GRID2: variants seen among roughly 807,000 people sequenced by gnomAD.
GRID2 encodes the protein glutamate receptor ionotropic, delta-2.
A neutral mutation model predicts 114.8 loss-of-function variants in GRID2; 33 were observed. The ratio of observed to expected loss-of-function variants is 0.29; its 90% CI spans 0.22 to 0.38. GRID2 has a LOEUF of 0.38. GRID2 is among the 10% of genes least tolerant of loss of function. The pLI is 1.00. For synonymous variants in GRID2, 505 were observed against 449.9 expected (o/e 1.12, Z -1.55); for missense variants, 1,184 against 1,257.7 (o/e 0.94, Z 0.89).
chr4:93,179,264 G>A (rs532241764), intron 4 of GRID2, among the ~76,000 whole-genome samples: 1 of 152,286 alleles, frequency 6.6e-6, no homozygotes, highest in South Asian at 2.1e-4. Flanking sequence ...TGCAGCCAGG[G>A]TAGATGGGAG....
chr4:93,273,926 T>C (rs2149573907), intron 8 of GRID2, among the ~76,000 whole-genome samples: 1 of 152,334 alleles, frequency 6.6e-6, no homozygotes, highest in Admixed American at 6.5e-5. Flanking sequence ...GATTTTAGCC[T>C]GGTGAGACAC....
rs372440765 is a variant in GRID2 at position 92,678,514 on chromosome 4, C to T, written c.244+88228C>T. ...CTGAAGTAATTCAATACGTTAGTCACTGGTGTCTGCTACTTGGGTATGGAA... is the reference window on the plus strand; with the variant it reads ...CTGAAGTAATTCAATACGTTAGTCATTGGTGTCTGCTACTTGGGTATGGAA... On this transcript the variant is annotated intron_variant, in intron 2 of 15. Coordinates refer to ENST00000282020, the MANE Select transcript of GRID2 (RefSeq NM_001510.4). Among the ~76,000 whole-genome samples the T allele has an allele frequency of 7.8e-4, 119 of 151,966 alleles. 1 individual carries two copies. The highest frequency in any genetic ancestry group is 2.7e-3 in the African/African-American group (113 of 41,418).
chr4:93,612,957 C>T (rs911924966), intron 13 of GRID2, among the ~76,000 whole-genome samples: 25 of 147,058 alleles, frequency 1.7e-4, no homozygotes, highest in Non-Finnish European at 3.0e-4. Context: ...ACCAATCAGA[C>T]GTAGATTTGG....
chr4:92,940,753 A>G (rs1751053601), intron 2 of GRID2, among the ~76,000 whole-genome samples: 1 of 152,006 alleles, frequency 6.6e-6, no homozygotes, highest in Admixed American at 6.6e-5. Context: ...TCAATACCTA[A>G]TTTATTGAGA....
At chr4:92,641,710 G>C (rs1185685011) in intron 2 of GRID2, among the ~76,000 whole-genome samples, 1 of 151,466 alleles carries the variant, frequency 6.6e-6, no homozygotes, top group Non-Finnish European at 1.5e-5. Flanking sequence ...TACATGTGCA[G>C]GTTTTTTACA....
At chr4:92,963,714 A>G (rs544571135) in intron 2 of GRID2, among the ~76,000 whole-genome samples, 28 of 152,114 alleles carry the variant, frequency 1.8e-4, no homozygotes, top group Non-Finnish European at 3.1e-4. Flanking sequence ...ATGAATCACA[A>G]ATGTTCTAAA....
rs554374468 is a variant in GRID2 at position 93,038,175 on chromosome 4, T to G, written c.245-46820T>G. On this transcript the variant is annotated intron_variant, in intron 2 of 15. Transcript: ENST00000282020. ...GTTCTCCTTGAAGAGGTCCTTCACA[T>G]CCCTTGTAAGTTGTATTTCTAAGTA... Among the ~76,000 whole-genome samples, 6 of 152,288 alleles carry G rather than the reference T, an allele frequency of 3.9e-5. No homozygotes were observed. In the South Asian group the frequency reaches 1.2e-3, roughly 32 times the overall value.
At chr4:92,913,762 A>G (rs556734758) in intron 2 of GRID2, among the ~76,000 whole-genome samples, 5 of 152,058 alleles carry the variant, frequency 3.3e-5, no homozygotes, top group African/African-American at 9.6e-5. Context: ...AAAAAGAAGT[A>G]TAAAACGAAG....
intron 2 of GRID2, among the ~76,000 whole-genome samples, chr4:92,744,970 A>G (rs576151452): frequency 2.0e-5 from 3 of 152,270 alleles, no homozygotes; most frequent in African/African-American, 4.8e-5. Flanking sequence ...ATTTATGTCA[A>G]AATCACAGTT....
In GRID2 at chr4:93,346,208, A is replaced by T. The variant is rs1414287803; in HGVS notation, c.1246-49399A>T. Among the ~76,000 whole-genome samples the T allele has an allele frequency of 2.6e-5, 4 of 152,156 alleles. No homozygotes were observed. The East Asian group carries it at 7.7e-4, about 29-fold the overall frequency. On this transcript the variant is annotated intron_variant, in intron 8 of 15. Transcript: ENST00000282020. ...ATTAAAATTAGTAGTTTGATTTCAA[A>T]TGTGAAACTTGTGACTTTTTTATTT...
chr4:92,824,123 A>T (rs1741498400), intron 2 of GRID2, among the ~76,000 whole-genome samples: 1 of 152,142 alleles, frequency 6.6e-6, no homozygotes, highest in South Asian at 2.1e-4. Flanking sequence ...GGCCAGGTGA[A>T]CAGGAATGTT....
chr4:92,931,822 G>A (rs78596874), intron 2 of GRID2, among the ~76,000 whole-genome samples: 2,228 of 150,994 alleles, frequency 0.015, 21 homozygotes, highest in East Asian at 0.054. Context: ...ATCCACACAC[G>A]TGCAGTCAAT....
intron 2 of GRID2, among the ~76,000 whole-genome samples, chr4:92,948,585 T>C (rs114729267): frequency 6.6e-6 from 1 of 152,042 alleles, no homozygotes; most frequent in African/African-American, 2.4e-5. Flanking sequence ...AGTGCATAAA[T>C]AGTTCTATGG....
chr4:93,625,814 T>C lies in GRID2; in HGVS notation c.2194-455T>C, dbSNP rs556923050. On this transcript the variant is annotated intron_variant, in intron 13 of 15. Coordinates refer to ENST00000282020, the MANE Select transcript of GRID2 (RefSeq NM_001510.4). ...CCTGTAGTCCCAGCTACTCGGGAGGTTGAGGCAGGAGAATGGCGTGAACCC... is the reference window on the plus strand; with the variant it reads ...CCTGTAGTCCCAGCTACTCGGGAGGCTGAGGCAGGAGAATGGCGTGAACCC... Among the ~76,000 whole-genome samples the C allele has an allele frequency of 5.1e-3, 774 of 151,972 alleles. 3 individuals carry two copies. The highest frequency in any genetic ancestry group is 8.6e-3 in the Admixed American group (131 of 15,256).
At chr4:93,553,613 T>C (rs1325476718) in intron 13 of GRID2, among the ~76,000 whole-genome samples, 1 of 152,132 alleles carries the variant, frequency 6.6e-6, no homozygotes, top group African/African-American at 2.4e-5. Context: ...CTTGCATGAG[T>C]TCATTAAATT....
chr4:92,970,833 A>T (rs1578638132), intron 2 of GRID2, among the ~76,000 whole-genome samples: 1 of 151,998 alleles, frequency 6.6e-6, no homozygotes, highest in East Asian at 1.9e-4. Flanking sequence ...TGTATTTCAT[A>T]ATATTACAGT....
At chr4:92,406,250 C>A (rs1474766073) in intron 1 of GRID2, among the ~76,000 whole-genome samples, 1 of 152,150 alleles carries the variant, frequency 6.6e-6, no homozygotes, top group Non-Finnish European at 1.5e-5. Context: ...TCCATATTAA[C>A]CATCACAATA....
intron 8 of GRID2, among the ~76,000 whole-genome samples, chr4:93,331,954 A>C (rs1487657806): frequency 6.6e-6 from 1 of 152,020 alleles, no homozygotes; most frequent in Non-Finnish European, 1.5e-5. Context: ...CTTACTCTCT[A>C]ATAGCTTTCA....
At chr4:92,314,412 A>C (rs1211527695) in intron 1 of GRID2, among the ~76,000 whole-genome samples, 1 of 152,162 alleles carries the variant, frequency 6.6e-6, no homozygotes, top group Non-Finnish European at 1.5e-5. Flanking sequence ...AATCCATTGT[A>C]AATTTCCTCT....
Sources: allele counts gnomAD v4.1 joint callset (sites outside exome capture counted in the v4.1 genomes callset), GRCh38; gene constraint gnomAD v4.1.1; transcripts MANE v1.5; gene names NCBI Gene and HGNC (gene_info 2026-07-23, HGNC 2026-07-21).